Variants in CIB1 observed in about 807,000 individuals in gnomAD.
The protein encoded by CIB1 is calcium and integrin binding 1.
A neutral mutation model predicts 25.0 loss-of-function variants in CIB1; 19 were observed. The ratio of observed to expected loss-of-function variants is 0.76; its 90% CI spans 0.53 to 1.12. CIB1 has a LOEUF of 1.12. Ranked by LOEUF, CIB1 falls within the 50% of genes most tolerant of loss-of-function variation. The pLI is 0.00. For synonymous variants in CIB1, 104 were observed against 98.5 expected, an observed-to-expected ratio of 1.06 and a Z score of -0.33; for missense variants, 236 against 242.6, an observed-to-expected ratio of 0.97 and a Z score of 0.18.
chr15:90,262,321 C>G, the CIB1 span: 1 of 1,159,476 alleles, frequency 8.6e-7, no homozygotes, highest in African/African-American at 1.6e-5. Context: ...CTATCAGACT[C>G]TTAGTGACTC....
chr15:90,255,945 A>C, the CIB1 span: 43 of 1,610,688 alleles, frequency 2.7e-5, no homozygotes, highest in Non-Finnish European at 3.6e-5. Context: ...TCGCTCTCAG[A>C]GCTCTGGTCT....
the CIB1 span, chr15:90,241,654 A>T: frequency 1.2e-6 from 2 of 1,614,002 alleles, no homozygotes; most frequent in Non-Finnish European, 1.7e-6. Flanking sequence ...CTGCTCCAGG[A>T]CCTCCCAGCT....
chr15:90,233,995 G>T, upstream of CIB1: 1 of 1,248,544 alleles, frequency 8.0e-7, no homozygotes, highest in Non-Finnish European at 1.1e-6. Flanking sequence ...CCGCTCCTGG[G>T]GCCACCACCC....
At chr15:90,257,903 T>A in the CIB1 span, 1 of 952,080 alleles carries the variant, frequency 1.1e-6, no homozygotes, top group Non-Finnish European at 1.6e-6. Context: ...CCCTGATAAC[T>A]AGTCCCTGCT....
At chr15:90,265,712 C>T in the CIB1 span, 27 of 1,613,184 alleles carry the variant, frequency 1.7e-5, no homozygotes, top group South Asian at 2.4e-4. Context: ...TTTGCGTCGA[C>T]ATGGCGGTTA....
At chr15:90,237,956 T>G (rs908849494), upstream of CIB1, among the ~76,000 whole-genome samples, 3 of 152,166 alleles carry the variant, frequency 2.0e-5, no homozygotes, top group Non-Finnish European at 4.4e-5. Flanking sequence ...ACTTTTTTGT[T>G]GTTGTTGTCT....
At chr15:90,241,082 C>T in the CIB1 span, 1 of 1,614,192 alleles carries the variant, frequency 6.2e-7, no homozygotes, top group Non-Finnish European at 8.5e-7. Context: ...CACAATCTCC[C>T]TTTGATGCTG....
the CIB1 span, chr15:90,241,143 C>G: frequency 5.6e-6 from 9 of 1,614,142 alleles, no homozygotes; most frequent in Non-Finnish European, 4.2e-6. Flanking sequence ...GTTTCGCTAC[C>G]GTCTACGGGA....
At chr15:90,250,623 CTG>C in the CIB1 span, 1 of 1,610,960 alleles carries the variant, frequency 6.2e-7, no homozygotes, top group South Asian at 1.1e-5. Context: ...CCCTCAGAAT[CTG>C]AGAGAATGGA....
At chr15:90,265,432 T>G in the CIB1 span, 6 of 1,300,658 alleles carry the variant, frequency 4.6e-6, no homozygotes, top group Non-Finnish European at 5.9e-6. Flanking sequence ...GAGGGACGGC[T>G]CTTGGAAACG....
chr15:90,246,014 C>T, the CIB1 span, among the ~76,000 whole-genome samples: 1 of 152,122 alleles, frequency 6.6e-6, no homozygotes, highest in African/African-American at 2.4e-5. Context: ...TGGCACACTC[C>T]TGTAATCCCA....
chr15:90,263,582 C>CA, the CIB1 span: 1 of 569,288 alleles, frequency 1.8e-6, no homozygotes, highest in Non-Finnish European at 3.1e-6. Context: ...GGGCTGGTAG[C>CA]AAACCTGTTG....
chr15:90,258,164 C>CCGAA, the CIB1 span: 1 of 1,614,134 alleles, frequency 6.2e-7, no homozygotes, highest in African/African-American at 1.3e-5. Flanking sequence ...GCCACAACTA[C>CCGAA]CGAACCTGTT....
the CIB1 span, chr15:90,262,946 A>G: frequency 1.2e-5 from 19 of 1,531,380 alleles, no homozygotes; most frequent in African/African-American, 1.9e-4. Flanking sequence ...TCCTGCATTT[A>G]TCTCTCATGT....
the CIB1 span, among the ~76,000 whole-genome samples, chr15:90,259,850 C>T: frequency 6.6e-6 from 1 of 152,242 alleles, no homozygotes; most frequent in Non-Finnish European, 1.5e-5. Context: ...AACATGGTAA[C>T]TGGTCACCGA....
chr15:90,242,940 A>G, the CIB1 span: 1 of 152,204 alleles, frequency 6.6e-6, no homozygotes, highest in African/African-American at 2.4e-5. Context: ...TGGTCTCTTT[A>G]AAGGGGAGAA....
chr15:90,248,020 C>T, the CIB1 span, among the ~76,000 whole-genome samples: 1 of 151,956 alleles, frequency 6.6e-6, no homozygotes, highest in African/African-American at 2.4e-5. Context: ...GGATTACAGG[C>T]GTGAGCCATC....
chr15:90,250,480 AAC>A, the CIB1 span: 5 of 893,100 alleles, frequency 5.6e-6, no homozygotes, highest in East Asian at 1.3e-4. Flanking sequence ...TCCTCAGTGA[AAC>A]AGTTTTGTCC....
the CIB1 span, among the ~76,000 whole-genome samples, chr15:90,247,763 A>T: frequency 6.8e-6 from 1 of 146,376 alleles, no homozygotes. Flanking sequence ...TGAGACAGAG[A>T]CTCCCTCTGT....
Sources: allele counts gnomAD v4.1 joint callset (sites outside exome capture counted in the v4.1 genomes callset), GRCh38; gene constraint gnomAD v4.1.1; transcripts MANE v1.5; gene names NCBI Gene and HGNC (gene_info 2026-07-23, HGNC 2026-07-21).